RREB1: variants seen among roughly 807,000 people sequenced by gnomAD.
RREB1 encodes ras responsive element binding protein 1, also known as ras-responsive element-binding protein 1.
In RREB1, 27 loss-of-function variants were observed where a neutral mutation model predicts 117.8. The observed-to-expected ratio is 0.23, with a 90% confidence interval of 0.17 to 0.32. The LOEUF (loss-of-function observed/expected upper bound fraction) is 0.32, where lower values mean the gene tolerates loss of function less well. Ranked by LOEUF, RREB1 falls within the 10% of genes least tolerant of loss-of-function variation. The pLI, the probability that RREB1 is intolerant of heterozygous loss-of-function variation, is 1.00. For synonymous variants in RREB1, 1,298 were observed against 1,026.7 expected (o/e 1.26, Z -5.05); for missense variants, 2,577 against 2,378.2 (o/e 1.08, Z -1.74).
In RREB1 at chr6:7,230,930, G is replaced by A; in HGVS notation, c.2831G>A (p.Arg944Lys). 6.2e-7 allele frequency: 1 copy of A among 1,614,048 alleles called. No individual in the cohort carries two copies. The change falls in exon 10 of 13, where the codon AGG becomes AAG. Residue 944 changes from arginine to lysine, a missense_variant. Transcript: ENST00000379938. The stretch of plus-strand genomic sequence containing the variant: ...GACCTGTCCATCCCCAAGAACTTCA[G>A]GAAAGGGGACAAGGATTTGGCCACT... Reference protein sequence around the residue: ...PIDLSIPKNFRKGDKDLATPS... With the variant: ...PIDLSIPKNFKKGDKDLATPS...
At chr6:7,130,442 T>A (rs1206486192) in intron 1 of RREB1, among the ~76,000 whole-genome samples, 1 of 152,068 alleles carries the variant, frequency 6.6e-6, no homozygotes, top group Non-Finnish European at 1.5e-5. Flanking sequence ...CTGCATCTGA[T>A]CCCACTGTGT....
chr6:7,238,201 T>TG (rs1768465133), intron 10 of RREB1, among the ~76,000 whole-genome samples: 1 of 152,226 alleles, frequency 6.6e-6, no homozygotes, highest in African/African-American at 2.4e-5. Context: ...TATTAAATAC[T>TG]GTGTTCAATT....
intron 6 of RREB1, among the ~76,000 whole-genome samples, chr6:7,207,679 C>T (rs181392456): frequency 7.9e-5 from 12 of 152,308 alleles, no homozygotes; most frequent in African/African-American, 1.9e-4. Context: ...GATACCTGTA[C>T]GCTGGAGAGC....
chr6:7,248,240 G>C (rs1307090933), intron 12 of RREB1, among the ~76,000 whole-genome samples: 1 of 152,212 alleles, frequency 6.6e-6, no homozygotes, highest in Non-Finnish European at 1.5e-5. Context: ...TGAGGCTTCT[G>C]CTTCTGGGAC....
At chr6:7,166,946 T>A (rs1170853658) in intron 1 of RREB1, among the ~76,000 whole-genome samples, 1 of 152,316 alleles carries the variant, frequency 6.6e-6, no homozygotes, top group South Asian at 2.1e-4. Context: ...TACTGAACTT[T>A]ACCCTAGCTT....
chr6:7,210,361 T>G (rs1766515689), intron 6 of RREB1, among the ~76,000 whole-genome samples: 2 of 152,246 alleles, frequency 1.3e-5, no homozygotes, highest in African/African-American at 4.8e-5. Context: ...AAGAGAGATG[T>G]GTACAACAGA....
At chr6:7,213,177 T>G (rs1313202170) in intron 8 of RREB1, 1 of 152,122 alleles carries the variant, frequency 6.6e-6, no homozygotes, top group African/African-American at 2.4e-5. Context: ...TATTTTTGGG[T>G]TTTTTTGAGA....
At chr6:7,129,361 AT>A (rs920779557) in intron 1 of RREB1, among the ~76,000 whole-genome samples, 102 of 152,310 alleles carry the variant, frequency 6.7e-4, no homozygotes, top group Non-Finnish European at 1.1e-3. Context: ...TTTCTTCTTA[AT>A]TTAAGTGGTA....
intron 1 of RREB1, among the ~76,000 whole-genome samples, chr6:7,165,926 A>G (rs910625244): frequency 5.3e-5 from 8 of 152,186 alleles, no homozygotes; most frequent in Admixed American, 3.9e-4. Context: ...GCTTGTAAAC[A>G]TGAACCCACA....
chr6:7,196,405 T>C (rs1765680758), intron 6 of RREB1, among the ~76,000 whole-genome samples: 1 of 152,062 alleles, frequency 6.6e-6, no homozygotes, highest in African/African-American at 2.4e-5. Flanking sequence ...TCTGTATTTG[T>C]AATGCTACTC....
chr6:7,197,059 G>GA, intron 6 of RREB1, among the ~76,000 whole-genome samples: 1 of 152,196 alleles, frequency 6.6e-6, no homozygotes. Flanking sequence ...CTCTGGGAGA[G>GA]CTCAATGTAG....
chr6:7,193,105 A>C (rs1192520231), intron 6 of RREB1, among the ~76,000 whole-genome samples: 1 of 152,124 alleles, frequency 6.6e-6, no homozygotes, highest in African/African-American at 2.4e-5. Flanking sequence ...ATTTCTTATT[A>C]ATTTCTAGTT....
chr6:7,143,592 G>T (rs1181649012), intron 1 of RREB1, among the ~76,000 whole-genome samples: 2 of 152,136 alleles, frequency 1.3e-5, no homozygotes, highest in South Asian at 4.1e-4. Context: ...TCTTTATCTA[G>T]ACCGTTTTGC....
chr6:7,226,557 G>T lies in RREB1; in HGVS notation c.798G>T (p.Met266Ile). ...ACAAACAACTTCCCAGGGATGCAAT[G>T]GGCAGACCTTTCATACAGAACAACC... Reference protein sequence around the residue: ...LVHKQLPRDAMGRPFIQNNPS... With the variant: ...LVHKQLPRDAIGRPFIQNNPS... Residue 266 changes from methionine (M) to isoleucine (I), a missense_variant, in exon 9 of 13, where the codon ATG becomes ATT. Met to Ile is a conservative substitution (Grantham distance 10, BLOSUM62 1). Transcript: ENST00000379938. 6.2e-7 allele frequency: 1 copy of T among 1,614,120 alleles called. No homozygotes were observed. The highest frequency in any genetic ancestry group is 1.3e-5 in the African/African-American group (1 of 75,040).
At chr6:7,129,524 T>A (rs1762068786) in intron 1 of RREB1, among the ~76,000 whole-genome samples, 1 of 152,156 alleles carries the variant, frequency 6.6e-6, no homozygotes, top group Admixed American at 6.5e-5. Context: ...AGGCAGAGAG[T>A]GCCTCCCATG....
At chr6:7,246,362 C>T (rs1203424059) in intron 11 of RREB1, 62 bp from the exon 12 acceptor site, 3 of 1,383,566 alleles carry the variant, frequency 2.2e-6, no homozygotes, top group Non-Finnish European at 1.9e-6. Context: ...CCGGCGACAT[C>T]CCTGGCATGG....
chr6:7,201,793 T>G (rs1284250893), intron 6 of RREB1, among the ~76,000 whole-genome samples: 1 of 152,168 alleles, frequency 6.6e-6, no homozygotes, highest in Non-Finnish European at 1.5e-5. Flanking sequence ...CCCAGCTTGC[T>G]CAAGAGGACT....
chr6:7,182,016 G>A lies in RREB1; in HGVS notation c.105G>A (p.Gly35=). 6.2e-7 allele frequency: 1 copy of A among 1,613,850 alleles called. No homozygotes were observed. Among genetic ancestry groups the A allele is most frequent in the Non-Finnish European group, 8.5e-7 (1 of 1,179,922 alleles). The change falls in exon 4 of 13, where the codon GGG becomes GGA. Residue 35 remains glycine, a synonymous_variant. Transcript: ENST00000379938. ...MSVGKVTENG[G]SPQGIKSPSK... is the part of the protein sequence containing the mutation. ...TAGGGAAGGTCACAGAGAATGGCGG[G>A]AGCCCCCAGGGGATCAAGTCCCCCT...
At chr6:7,147,610 G>A (rs1013988478) in intron 1 of RREB1, among the ~76,000 whole-genome samples, 1 of 152,146 alleles carries the variant, frequency 6.6e-6, no homozygotes, top group Non-Finnish European at 1.5e-5. Context: ...CATCCATCCC[G>A]TGTCCTAAGC....
Sources: allele counts gnomAD v4.1 joint callset (sites outside exome capture counted in the v4.1 genomes callset), GRCh38; gene constraint gnomAD v4.1.1; transcripts MANE v1.5; gene names NCBI Gene and HGNC (gene_info 2026-07-23, HGNC 2026-07-21).